Variants in CCDC77 observed in about 807,000 individuals in gnomAD.
CCDC77 encodes the protein coiled-coil domain containing 77.
Under a neutral mutation model 66.8 loss-of-function variants are expected in CCDC77, and 56 were observed. That is an observed-to-expected ratio of 0.84 (90% CI 0.68 to 1.05). The LOEUF is 1.05. Among genes scored for constraint, CCDC77 ranks in the 50% least tolerant of loss-of-function variants. CCDC77 has a pLI of 0.00. For missense variants in CCDC77, 570 were observed against 576.8 expected, an observed-to-expected ratio of 0.99 and a Z score of 0.12; for synonymous variants, 196 against 195.2, an observed-to-expected ratio of 1.00 and a Z score of -0.03.
chr12:433,473 G>A, intron 9 of CCDC77, 151 bp downstream of exon 9: 2 of 1,425,472 alleles, frequency 1.4e-6, no homozygotes, highest in Non-Finnish European at 9.2e-7. Flanking sequence ...CTCTACGTAG[G>A]TGAGTACCTC....
At chr12:433,767 T>TA (rs1020827284) in intron 9 of CCDC77, among the ~76,000 whole-genome samples, 2 of 152,100 alleles carry the variant, frequency 1.3e-5, no homozygotes, top group Non-Finnish European at 2.9e-5. Context: ...TTTACATATC[T>TA]AAAAAAAACT....
At chr12:389,430 G>A in exon 1 of CCDC77, 1 of 484,520 alleles carries the variant, frequency 2.1e-6, no homozygotes, top group Non-Finnish European at 3.8e-6. Flanking sequence ...GTGGCTGTTT[G>A]TCTCCTTGCC....
chr12:422,516 G>A (rs1451276866), intron 5 of CCDC77, among the ~76,000 whole-genome samples: 1 of 152,240 alleles, frequency 6.6e-6, no homozygotes, highest in Non-Finnish European at 1.5e-5. Context: ...CACGTAAGTG[G>A]AATCATACAG....
intron 5 of CCDC77, among the ~76,000 whole-genome samples, chr12:425,331 T>C (rs971062675): frequency 1.3e-5 from 2 of 149,990 alleles, no homozygotes; most frequent in Non-Finnish European, 2.9e-5. Flanking sequence ...CATTCTCAGC[T>C]GTAGACAGCA....
At chr12:417,483 A>G (rs1202552938) in intron 4 of CCDC77, among the ~76,000 whole-genome samples, 2 of 152,132 alleles carry the variant, frequency 1.3e-5, no homozygotes, top group Non-Finnish European at 2.9e-5. Context: ...GCATGCTTTC[A>G]TGAAGTAATT....
upstream of CCDC77, among the ~76,000 whole-genome samples, chr12:398,891 C>T (rs555946347): frequency 1.3e-5 from 2 of 152,050 alleles, no homozygotes; most frequent in Admixed American, 1.3e-4. Context: ...TCCCAAGTAG[C>T]CAGGTGCATG....
At position 411,843 on chromosome 12, in the gene CCDC77, C is replaced by T. The variant is rs199830489; in HGVS notation, c.135C>T (p.Pro45=). The T allele has an allele frequency of 2.0e-5, 32 of 1,613,810 alleles. No individual in the cohort carries two copies. The highest frequency in any genetic ancestry group is 1.2e-4 in the South Asian group (11 of 91,066). ...DSLESTPLPS[P]EDRLAKLHPS... ...TGGAGTCAACCCCCTTGCCTTCCCC[C>T]GAAGATCGTCTGGCCAAACTCCATC... The change falls in exon 4 of 13, where the codon CCC becomes CCT. Residue 45 remains proline (P), a synonymous_variant. Coordinates refer to ENST00000239830, the MANE Select transcript of CCDC77 (RefSeq NM_032358.4).
intron 1 of CCDC77, chr12:390,187 A>G (rs1481008604): frequency 6.6e-6 from 1 of 151,336 alleles, no homozygotes; most frequent in Non-Finnish European, 1.5e-5. Context: ...CTTCCCATGT[A>G]TAATCGTGTG....
intron 5 of CCDC77, among the ~76,000 whole-genome samples, chr12:422,848 A>G (rs1945431484): frequency 6.6e-6 from 1 of 152,128 alleles, no homozygotes; most frequent in South Asian, 2.1e-4. Context: ...TTCCAAGCTC[A>G]AGTGATCTGT....
rs1489079419 is a variant in CCDC77, at chr12:416,375, G to GTA, written c.271-2118_271-2117insAT. Among the ~76,000 whole-genome samples, 134 of 20,546 alleles carry GTA rather than the reference G, an allele frequency of 6.5e-3. 1 individual carries two copies. The highest frequency in any genetic ancestry group is 0.01 in the Non-Finnish European group (111 of 10,584). 13.5% of individuals were successfully genotyped at this position (20,546 alleles called of 152,430 possible). Reference sequence around the variant, plus strand: ...TGTGTGTGTGTGTGTGTGTGTGTGTGTGTATATATATATATATATATATAT... The same window carrying GTA: ...TGTGTGTGTGTGTGTGTGTGTGTGTGTATGTATATATATATATATATATATAT... On this transcript the variant is annotated intron_variant, in intron 4 of 12. Transcript: ENST00000239830.
chr12:404,597 G>A (rs919859714), intron 1 of CCDC77, among the ~76,000 whole-genome samples: 6 of 152,132 alleles, frequency 3.9e-5, no homozygotes, highest in Non-Finnish European at 8.8e-5. Flanking sequence ...GCAAGGCCCC[G>A]TCTTGCAGCC....
chr12:422,524 C>T (rs577162706), intron 5 of CCDC77, among the ~76,000 whole-genome samples: 30 of 152,366 alleles, frequency 2.0e-4, no homozygotes, highest in African/African-American at 6.5e-4. Context: ...TGGAATCATA[C>T]AGTATTTGTT....
At chr12:415,492 CAT>C (rs1445570162) in intron 4 of CCDC77, among the ~76,000 whole-genome samples, 3 of 146,560 alleles carry the variant, frequency 2.0e-5, no homozygotes, top group African/African-American at 7.6e-5. Context: ...ATATTATTAA[CAT>C]AATTATTAAC....
chr12:415,966 C>T lies in CCDC77; in HGVS notation c.271-2528C>T, dbSNP rs199751147. Among the ~76,000 whole-genome samples, 163 of 151,716 alleles carry T rather than the reference C, an allele frequency of 1.1e-3. 2 individuals carry two copies. In the East Asian group the frequency reaches 0.028, roughly 26 times the overall value. ...GATTATAGGCGCCCACCACCATGCC[C>T]GGCTAATTTTTGTACTTTTAGTAGG... is the stretch of plus-strand genomic sequence containing the variant. On this transcript the variant is annotated intron_variant, in intron 4 of 12. Coordinates refer to ENST00000239830, the MANE Select transcript of CCDC77 (RefSeq NM_032358.4).
intron 1 of CCDC77, among the ~76,000 whole-genome samples, chr12:405,265 G>T (rs1450114817): frequency 6.6e-6 from 1 of 152,242 alleles, no homozygotes; most frequent in African/African-American, 2.4e-5. Context: ...CAGTAGGTTA[G>T]TGGTTGCTTA....
intron 5 of CCDC77, 24 bp downstream of exon 5, chr12:418,660 G>A: frequency 6.2e-7 from 1 of 1,605,530 alleles, no homozygotes; most frequent in East Asian, 2.2e-5. Context: ...GAAGGGAAAT[G>A]TTGGAGTTTA....
At chr12:422,877 G>T (rs1041428708) in intron 5 of CCDC77, among the ~76,000 whole-genome samples, 1 of 152,128 alleles carries the variant, frequency 6.6e-6, no homozygotes, top group Non-Finnish European at 1.5e-5. Flanking sequence ...GCCTCCCAGA[G>T]TGCTGGGATT....
chr12:423,114 CTTTTTTTT>C (rs139334337), intron 5 of CCDC77, among the ~76,000 whole-genome samples: 11 of 74,572 alleles, frequency 1.5e-4, no homozygotes, highest in Middle Eastern at 0.014. Flanking sequence ...TCTTTTAAGC[CTTTTTTTT>C]TTTTTTTTTT....
At chr12:418,837 C>T in intron 5 of CCDC77, 1 of 552,736 alleles carries the variant, frequency 1.8e-6, no homozygotes, top group South Asian at 2.1e-5. Context: ...TAGCTGGGAA[C>T]ACAGGTGTGC....
Sources: gnomAD v4.1 joint callset for allele counts (sites outside exome capture counted in the v4.1 genomes callset) on GRCh38, gnomAD v4.1.1 for gene constraint, MANE v1.5 for transcripts, NCBI Gene and HGNC (gene_info 2026-07-23, HGNC 2026-07-21) for gene names.